The following PDZD2 variants were observed in gnomAD, a reference collection of about 807,000 sequenced individuals.
PDZD2 encodes PDZ domain-containing protein 2.
PDZD2 carries 90 observed loss-of-function variants against 220.7 expected under a neutral mutation model. The observed-to-expected ratio is 0.41, with a 90% CI of 0.34 to 0.49. The LOEUF (loss-of-function observed/expected upper bound fraction) is 0.49, where lower values mean the gene tolerates loss of function less well. Ranked by LOEUF, PDZD2 falls within the 20% of genes least tolerant of loss-of-function variation. The pLI is 0.28. For synonymous variants in PDZD2, 1,375 were observed against 1,450.5 expected (o/e 0.95, Z 1.18); for missense variants, 3,174 against 3,608.5 (o/e 0.88, Z 3.08).
chr5:31,906,536 G>A (rs537818526), intron 2 of PDZD2, among the ~76,000 whole-genome samples: 12 of 152,060 alleles, frequency 7.9e-5, no homozygotes, highest in Admixed American at 1.3e-4. Context: ...CAATGATGTA[G>A]GAAATCTATT....
chr5:31,950,706 A>G lies in PDZD2; in HGVS notation c.477-32449A>G, dbSNP rs1462408894. ...GTGGCAAACACAAGTCTTGTGAATTACCACCACACTCAAGACAGAGAACCA... is the reference window on the plus strand; with the variant it reads ...GTGGCAAACACAAGTCTTGTGAATTGCCACCACACTCAAGACAGAGAACCA... On this transcript the variant is annotated intron_variant, in intron 2 of 24. Coordinates refer to ENST00000438447, the MANE Select transcript of PDZD2 (RefSeq NM_178140.4). Among the ~76,000 whole-genome samples, 3 of 152,344 alleles carry G rather than the reference A, an allele frequency of 2.0e-5. No homozygotes were observed. In the East Asian group the frequency reaches 5.8e-4, roughly 29 times the overall value.
chr5:32,026,274 C>T (rs1216438859), intron 6 of PDZD2, among the ~76,000 whole-genome samples: 2 of 151,972 alleles, frequency 1.3e-5, no homozygotes, highest in Non-Finnish European at 2.9e-5. Context: ...GTAGCTGAGA[C>T]TACAGGCATG....
intron 2 of PDZD2, chr5:31,936,321 G>T (rs1195377787): frequency 1.0e-6 from 1 of 987,562 alleles, no homozygotes; most frequent in African/African-American, 1.7e-5. Context: ...AGCAGAGCAC[G>T]CTCACCTGAC....
At chr5:31,672,140 AAAATC>A (rs1313134840) in intron 1 of PDZD2, among the ~76,000 whole-genome samples, 7 of 152,200 alleles carry the variant, frequency 4.6e-5, no homozygotes, top group Non-Finnish European at 7.4e-5. Context: ...CCTAGGAGGC[AAAATC>A]ACTCCACCTC....
At chr5:31,817,965 ATTTTTTTTTTTTT>A (rs368621112) in intron 2 of PDZD2, among the ~76,000 whole-genome samples, 1 of 112,254 alleles carries the variant, frequency 8.9e-6, no homozygotes, top group African/African-American at 3.6e-5. Context: ...CACCTGGCCA[ATTTTTTTTTTTTT>A]TTTTTTTTTT....
At chr5:32,058,838 C>T (rs1169282559) in intron 12 of PDZD2, among the ~76,000 whole-genome samples, 5 of 152,132 alleles carry the variant, frequency 3.3e-5, no homozygotes, top group East Asian at 1.9e-4. Context: ...TTTTTCCTCC[C>T]CACCTACTCT....
intron 2 of PDZD2, among the ~76,000 whole-genome samples, chr5:31,857,263 C>T (rs967823799): frequency 1.3e-5 from 2 of 152,194 alleles, no homozygotes; most frequent in African/African-American, 4.8e-5. Flanking sequence ...ACTCTGTCCT[C>T]CTCCGCTTGC....
intron 2 of PDZD2, among the ~76,000 whole-genome samples, chr5:31,890,286 C>T (rs1740910891): frequency 6.6e-6 from 1 of 151,876 alleles, no homozygotes; most frequent in African/African-American, 2.4e-5. Flanking sequence ...CGCACATGAC[C>T]CAAGAATTGA....
chr5:31,829,369 C>T (rs1756413303), intron 2 of PDZD2, among the ~76,000 whole-genome samples: 1 of 151,164 alleles, frequency 6.6e-6, no homozygotes, highest in South Asian at 2.1e-4. Flanking sequence ...GCTCTGTTGC[C>T]AAGGCTGGAG....
intron 2 of PDZD2, among the ~76,000 whole-genome samples, chr5:31,944,644 A>G (rs1041429608): frequency 6.6e-6 from 1 of 152,242 alleles, no homozygotes; most frequent in African/African-American, 2.4e-5. Flanking sequence ...TGCCTCCTTT[A>G]GATCCCAGAG....
rs182295756 is a variant in PDZD2 at position 31,881,043 on chromosome 5, G to A, written c.476+81319G>A. The stretch of plus-strand genomic sequence containing the variant: ...TCTCGAACTCCTGACCTTGTGATAC[G>A]CCCGCCTAGGCCTCCCAAAATGCTG... On this transcript the variant is annotated intron_variant, in intron 2 of 24. Transcript: ENST00000438447. Among the ~76,000 whole-genome samples, 5 of 151,224 alleles carry A rather than the reference G, an allele frequency of 3.3e-5. No homozygotes were observed. In the East Asian group the frequency reaches 5.9e-4, roughly 18 times the overall value.
chr5:31,971,491 G>A (rs1050273325), intron 2 of PDZD2, among the ~76,000 whole-genome samples: 1 of 152,042 alleles, frequency 6.6e-6, no homozygotes, highest in Non-Finnish European at 1.5e-5. Flanking sequence ...GATTTTGGAG[G>A]GACACATACA....
intron 2 of PDZD2, among the ~76,000 whole-genome samples, chr5:31,827,382 G>C (rs1203715164): frequency 1.3e-5 from 2 of 152,116 alleles, no homozygotes; most frequent in African/African-American, 4.8e-5. Context: ...TTTAAAGTAA[G>C]CTTTCTTGTT....
At chr5:31,898,821 T>G (rs1340030186) in intron 2 of PDZD2, among the ~76,000 whole-genome samples, 3 of 149,920 alleles carry the variant, frequency 2.0e-5, no homozygotes, top group South Asian at 2.1e-4. Flanking sequence ...TTTTTTTTTT[T>G]TTTTTGTTTT....
intron 1 of PDZD2, among the ~76,000 whole-genome samples, chr5:31,660,208 C>A (rs1005817368): frequency 9.2e-5 from 14 of 152,170 alleles, no homozygotes; most frequent in Non-Finnish European, 2.1e-4. Context: ...AGGAGCAATT[C>A]TTTGATTCAT....
intron 2 of PDZD2, among the ~76,000 whole-genome samples, chr5:31,813,364 G>A (rs1417966955): frequency 6.7e-6 from 1 of 150,162 alleles, no homozygotes. Flanking sequence ...GCAGGAGAAT[G>A]GCGTGAACCC....
intron 2 of PDZD2, among the ~76,000 whole-genome samples, chr5:31,935,538 G>T (rs1340510764): frequency 6.6e-6 from 1 of 152,152 alleles, no homozygotes; most frequent in Non-Finnish European, 1.5e-5. Flanking sequence ...GAGTAGAAAA[G>T]TTGTAAATTT....
chr5:31,782,037 C>T (rs528036223), intron 1 of PDZD2, among the ~76,000 whole-genome samples: 1 of 152,182 alleles, frequency 6.6e-6, no homozygotes, highest in Admixed American at 6.5e-5. Context: ...TGTGGGTGGC[C>T]GTGGCCCATG....
chr5:31,657,334 C>G (rs1238969940), intron 1 of PDZD2: 2 of 152,392 alleles, frequency 1.3e-5, no homozygotes, highest in African/African-American at 4.8e-5. Context: ...AATGCCTGGA[C>G]AGTGGATGGC....
Sources: allele counts gnomAD v4.1 joint callset (sites outside exome capture counted in the v4.1 genomes callset), GRCh38; gene constraint gnomAD v4.1.1; transcripts MANE v1.5; gene names NCBI Gene and HGNC (gene_info 2026-07-23, HGNC 2026-07-21).